Variants in TLR6 observed in about 807,000 individuals in gnomAD.
TLR6 encodes toll like receptor 6, also known as toll-like receptor 6.
Under a neutral mutation model 16.1 loss-of-function variants are expected in TLR6, and 9 were observed. The ratio of observed to expected loss-of-function variants is 0.56; its 90% CI spans 0.34 to 0.98. The LOEUF (loss-of-function observed/expected upper bound fraction) is 0.98, where lower values mean the gene tolerates loss of function less well. TLR6 is among the 50% of genes least tolerant of loss of function. The pLI is 0.02. For synonymous variants in TLR6, 340 were observed against 338.6 expected (o/e 1.00, Z -0.04); for missense variants, 786 against 921.0 (o/e 0.85, Z 1.90).
chr4:38,866,108 T>A, the TLR6 span, among the ~76,000 whole-genome samples: 1 of 151,748 alleles, frequency 6.6e-6, no homozygotes, highest in East Asian at 1.9e-4. Context: ...AGGCCACAGA[T>A]CAAGACTCTG....
chr4:38,848,613 C>T (rs922693208), intron 1 of TLR6, among the ~76,000 whole-genome samples: 10 of 152,280 alleles, frequency 6.6e-5, no homozygotes, highest in African/African-American at 2.4e-4. Context: ...AACCATGGCA[C>T]TAGAACTATG....
At chr4:38,833,818 G>A (rs898065242) in intron 1 of TLR6, among the ~76,000 whole-genome samples, 3 of 152,070 alleles carry the variant, frequency 2.0e-5, no homozygotes, top group Non-Finnish European at 4.4e-5. Flanking sequence ...AATAATTTAT[G>A]ATCTGAGTCA....
At chr4:38,825,250 G>A (rs2381289) in exon 2 of TLR6, 62,972 of 152,008 alleles carry the variant, frequency 0.41, 14,078 homozygotes, top group Middle Eastern at 0.55. Flanking sequence ...TCTCACTTTA[G>A]TCATTGCACC....
chr4:38,868,298 G>C, the TLR6 span: 2 of 154,514 alleles, frequency 1.3e-5, no homozygotes, highest in Non-Finnish European at 1.5e-5. Flanking sequence ...GTCCCTGTAA[G>C]ACAGAGGCCT....
chr4:38,831,837 A>G (rs529787720), intron 1 of TLR6, among the ~76,000 whole-genome samples: 80 of 152,374 alleles, frequency 5.3e-4, no homozygotes, highest in Non-Finnish European at 2.6e-4. Flanking sequence ...GAGAATGGGT[A>G]AAATCCAAAA....
chr4:38,841,875 C>G (rs73811208), intron 1 of TLR6, among the ~76,000 whole-genome samples: 4,863 of 152,094 alleles, frequency 0.032, 230 homozygotes, highest in African/African-American at 0.09. Flanking sequence ...AAAATATGTA[C>G]GTCATTATTG....
At position 38,828,569 on chromosome 4, in the gene TLR6, G is replaced by A. The variant is rs374845111; in HGVS notation, c.905C>T (p.Thr302Met). Residue 302 changes from threonine (T) to methionine (M), a missense_variant, in exon 2 of 2, where the codon ACG becomes ATG. Thr to Met is a moderately conservative substitution (Grantham distance 81, BLOSUM62 -1). Transcript: ENST00000436693. ...TTCTATTGTCAATGCTTTCAATGTC[G>A]TTTTAGAATAAGTAAAATCTTCTTC... 3.1e-5 allele frequency: 50 copies of A among 1,613,640 alleles called. 1 individual carries two copies. Among genetic ancestry groups the A allele is most frequent in the Middle Eastern group, 3.3e-4 (2 of 6,082 alleles).
At chr4:38,838,341 A>G (rs988826992) in intron 1 of TLR6, among the ~76,000 whole-genome samples, 1 of 152,264 alleles carries the variant, frequency 6.6e-6, no homozygotes. Flanking sequence ...TATGGAATCA[A>G]CTTAACAGTC....
intron 1 of TLR6, among the ~76,000 whole-genome samples, chr4:38,851,567 A>T (rs1326576726): frequency 6.6e-6 from 1 of 152,240 alleles, no homozygotes; most frequent in African/African-American, 2.4e-5. Context: ...ATGTACAAAA[A>T]TCACAAGCAT....
upstream of TLR6, among the ~76,000 whole-genome samples, chr4:38,858,903 GA>G (rs1457384163): frequency 1.4e-5 from 2 of 145,178 alleles, no homozygotes; most frequent in African/African-American, 2.6e-5. Flanking sequence ...AAGAAAGAAA[GA>G]AAAGAAAGAA....
At chr4:38,848,878 T>G (rs75123480) in intron 1 of TLR6, among the ~76,000 whole-genome samples, 4,742 of 152,190 alleles carry the variant, frequency 0.031, 217 homozygotes, top group African/African-American at 0.087. Flanking sequence ...CAGGAGAAAT[T>G]CACCAACCTA....
At chr4:38,837,577 C>G (rs974050885) in intron 1 of TLR6, among the ~76,000 whole-genome samples, 1 of 152,166 alleles carries the variant, frequency 6.6e-6, no homozygotes, top group Non-Finnish European at 1.5e-5. Flanking sequence ...CCCTATCTCT[C>G]ACCATATACA....
At chr4:38,844,256 G>A (rs908614539) in intron 1 of TLR6, among the ~76,000 whole-genome samples, 3 of 152,170 alleles carry the variant, frequency 2.0e-5, no homozygotes, top group Non-Finnish European at 4.4e-5. Context: ...ATCAGGAATT[G>A]CAGTTTTTAT....
At chr4:38,868,114 C>T in the TLR6 span, 3 of 272,170 alleles carry the variant, frequency 1.1e-5, no homozygotes, top group Non-Finnish European at 1.6e-5. Context: ...CACACCCACA[C>T]GCCCACACTC....
At chr4:38,858,766 AGAGAGAGAGG>A (rs1305653112), upstream of TLR6, among the ~76,000 whole-genome samples, 4 of 85,256 alleles carry the variant, frequency 4.7e-5, no homozygotes, top group Admixed American at 2.9e-4. Context: ...AGGGAGAGAG[AGAGAGAGAGG>A]GAGAGAGAGA....
chr4:38,840,492 G>A (rs1289061835), intron 1 of TLR6, among the ~76,000 whole-genome samples: 1 of 151,994 alleles, frequency 6.6e-6, no homozygotes, highest in Non-Finnish European at 1.5e-5. Context: ...GAATTAGCTG[G>A]GCGTGGTGGT....
chr4:38,861,952 T>C, the TLR6 span, among the ~76,000 whole-genome samples: 1 of 152,184 alleles, frequency 6.6e-6, no homozygotes, highest in Non-Finnish European at 1.5e-5. Context: ...AACTCCAGAC[T>C]CTCACATTCA....
At chr4:38,844,292 G>A (rs1169187456) in intron 1 of TLR6, among the ~76,000 whole-genome samples, 1 of 152,136 alleles carries the variant, frequency 6.6e-6, no homozygotes, top group Non-Finnish European at 1.5e-5. Context: ...AGTATATATC[G>A]GTCAAAGTAC....
exon 2 of TLR6, chr4:38,828,188 C>G: frequency 4.3e-6 from 7 of 1,614,088 alleles, no homozygotes; most frequent in Non-Finnish European, 5.9e-6. Flanking sequence ...CACCACTATA[C>G]TCTCAACCCA....
Sources: gnomAD v4.1 joint callset for allele counts (sites outside exome capture counted in the v4.1 genomes callset) on GRCh38, gnomAD v4.1.1 for gene constraint, MANE v1.5 for transcripts, NCBI Gene and HGNC (gene_info 2026-07-23, HGNC 2026-07-21) for gene names.